Variants in SCAPER observed in about 807,000 individuals in gnomAD.
SCAPER encodes the protein S-phase cyclin A associated protein in the ER.
Under a neutral mutation model 182.2 loss-of-function variants are expected in SCAPER, and 98 were observed. The ratio of observed to expected loss-of-function variants is 0.54; its 90% CI spans 0.46 to 0.64. The LOEUF (loss-of-function observed/expected upper bound fraction) is 0.64, where lower values mean the gene tolerates loss of function less well. Among genes scored for constraint, SCAPER ranks in the 30% least tolerant of loss-of-function variants. SCAPER has a pLI of 0.00. For missense variants in SCAPER, 1,432 were observed against 1,690.0 expected (o/e 0.85, Z 2.68); for synonymous variants, 605 against 564.6 (o/e 1.07, Z -1.01).
At chr15:76,471,694 C>G (rs1329821296) in intron 24 of SCAPER, among the ~76,000 whole-genome samples, 1 of 152,166 alleles carries the variant, frequency 6.6e-6, no homozygotes, top group Non-Finnish European at 1.5e-5. Context: ...GAAAAGGGCT[C>G]TATCAAAGCT....
intron 23 of SCAPER, among the ~76,000 whole-genome samples, chr15:76,514,707 G>T (rs779469253): frequency 1.3e-5 from 2 of 152,170 alleles, no homozygotes; most frequent in Non-Finnish European, 2.9e-5. Flanking sequence ...GTAGGTTTTG[G>T]CAAGTCCATA....
intron 20 of SCAPER, among the ~76,000 whole-genome samples, chr15:76,682,093 C>CATATGACATATGACA (rs2057746686): frequency 6.6e-6 from 1 of 152,146 alleles, no homozygotes; most frequent in African/African-American, 2.4e-5. Flanking sequence ...TTCATATGTT[C>CATATGACATATGACA]TTTGTCAAGA....
chr15:76,399,702 G>A (rs980026416), intron 27 of SCAPER, among the ~76,000 whole-genome samples: 27 of 152,034 alleles, frequency 1.8e-4, no homozygotes, highest in African/African-American at 6.0e-4. Context: ...ATCGTGTTTC[G>A]GAAAACCTAG....
intron 21 of SCAPER, among the ~76,000 whole-genome samples, chr15:76,654,185 G>T (rs1597958147): frequency 6.6e-6 from 1 of 152,142 alleles, no homozygotes; most frequent in East Asian, 1.9e-4. Context: ...GGCTGATCAC[G>T]AGGTCAGGAG....
intron 17 of SCAPER, among the ~76,000 whole-genome samples, chr15:76,715,149 GA>G (rs1275958378): frequency 6.6e-6 from 1 of 151,860 alleles, no homozygotes; most frequent in Non-Finnish European, 1.5e-5. Context: ...CTGGCACACA[GA>G]AACAGTTGAT....
intron 4 of SCAPER, 72 bp from the exon 5 acceptor site, chr15:76,842,003 T>G: frequency 7.5e-7 from 1 of 1,327,420 alleles, no homozygotes; most frequent in Non-Finnish European, 1.0e-6. Flanking sequence ...TTTATAAAGA[T>G]TCAATCAACT....
At position 76,632,795 on chromosome 15, in the gene SCAPER, C is replaced by T. The variant is rs1423805938; in HGVS notation, c.2646-10966G>A. Among the ~76,000 whole-genome samples, 123 of 111,828 alleles carry T rather than the reference C, an allele frequency of 1.1e-3. 3 individuals are homozygous for T. The highest frequency in any genetic ancestry group is 7.2e-3 in the Middle Eastern group (1 of 138). 73.4% of individuals were successfully genotyped at this position (111,828 alleles called of 152,430 possible). A position where few individuals can be genotyped will look rare whatever the true frequency, so the allele number is the denominator to read the frequency against. On this transcript the variant is annotated intron_variant, in intron 21 of 31. Coordinates refer to ENST00000563290, the MANE Select transcript of SCAPER (RefSeq NM_020843.4). ...TTTTTTTTTTTTTTTTTTTTTGAGACGGAATCTTGCTCTGTCACCCAGGCT... is the reference window on the plus strand; with the variant it reads ...TTTTTTTTTTTTTTTTTTTTTGAGATGGAATCTTGCTCTGTCACCCAGGCT...
intron 26 of SCAPER, among the ~76,000 whole-genome samples, chr15:76,426,505 G>A (rs1477147821): frequency 6.6e-6 from 1 of 152,122 alleles, no homozygotes; most frequent in Non-Finnish European, 1.5e-5. Context: ...CTGTAGACTG[G>A]AGCTGTTCCT....
intron 25 of SCAPER, among the ~76,000 whole-genome samples, chr15:76,458,211 G>GAT (rs755873129): frequency 4.0e-5 from 6 of 151,072 alleles, no homozygotes; most frequent in African/African-American, 7.3e-5. Context: ...TCTCCTTATA[G>GAT]ATATATATAC....
At chr15:76,456,560 T>C (rs1226918222) in intron 25 of SCAPER, among the ~76,000 whole-genome samples, 1 of 152,206 alleles carries the variant, frequency 6.6e-6, no homozygotes, top group East Asian at 1.9e-4. Flanking sequence ...AATGTGTGTA[T>C]TCTACAGTTG....
chr15:76,830,597 C>G (rs374612811), intron 5 of SCAPER, among the ~76,000 whole-genome samples: 2 of 151,872 alleles, frequency 1.3e-5, no homozygotes, highest in African/African-American at 4.8e-5. Context: ...GAACAAAGGA[C>G]GTCTCCCAGG....
chr15:76,720,158 C>A (rs2060130777), intron 17 of SCAPER, among the ~76,000 whole-genome samples: 1 of 150,662 alleles, frequency 6.6e-6, no homozygotes, highest in Admixed American at 6.6e-5. Flanking sequence ...CAATTCCCAC[C>A]TATGAGTGAG....
intron 8 of SCAPER, among the ~76,000 whole-genome samples, chr15:76,792,987 TCA>T (rs2065097268): frequency 6.6e-6 from 1 of 152,238 alleles, no homozygotes; most frequent in Non-Finnish European, 1.5e-5. Context: ...CGTATGTTTG[TCA>T]GTTACCACCA....
rs996042844 is a variant in SCAPER, at chr15:76,719,718, TAATA to T, written c.2165+8873_2165+8876del. ...TTAAAAAACCTAAGGCAGATATCTT[TAATA>T]GTTAATTGTGGAACCCATTCCTTAT... On this transcript the variant is annotated intron_variant, in intron 17 of 31. Coordinates refer to ENST00000563290, the MANE Select transcript of SCAPER (RefSeq NM_020843.4). 5.3e-5 allele frequency among the ~76,000 whole-genome samples: 8 copies of T among 152,170 alleles called. 1 individual carries two copies. The highest frequency in any genetic ancestry group is 1.9e-4 in the African/African-American group (8 of 41,446).
At chr15:76,748,012 C>T (rs1162274018) in intron 15 of SCAPER, among the ~76,000 whole-genome samples, 15 of 138,902 alleles carry the variant, frequency 1.1e-4, no homozygotes, top group Non-Finnish European at 1.1e-4. Flanking sequence ...TTTTTTGAGA[C>T]GGAGTTTCGC....
chr15:76,725,032 G>C (rs746957508), intron 17 of SCAPER, among the ~76,000 whole-genome samples: 1 of 152,054 alleles, frequency 6.6e-6, no homozygotes, highest in Non-Finnish European at 1.5e-5. Context: ...CACACTGGGA[G>C]CTGTAGACTG....
chr15:76,876,010 C>A (rs1007392824), intron 2 of SCAPER, among the ~76,000 whole-genome samples: 2 of 152,192 alleles, frequency 1.3e-5, no homozygotes, highest in African/African-American at 4.8e-5. Context: ...AGAAATCGAG[C>A]GCAGCGCCAG....
chr15:76,781,939 A>G (rs1568119427), intron 8 of SCAPER, among the ~76,000 whole-genome samples: 1 of 152,238 alleles, frequency 6.6e-6, no homozygotes. Flanking sequence ...AAAACATACC[A>G]AATGGTAAAG....
intron 25 of SCAPER, among the ~76,000 whole-genome samples, chr15:76,458,441 TAC>T (rs1204851054): frequency 6.6e-6 from 1 of 152,054 alleles, no homozygotes; most frequent in African/African-American, 2.4e-5. Flanking sequence ...TACACATATA[TAC>T]ACACACCCTT....
Sources: gnomAD v4.1 joint callset for allele counts (sites outside exome capture counted in the v4.1 genomes callset) on GRCh38, gnomAD v4.1.1 for gene constraint, MANE v1.5 for transcripts, NCBI Gene and HGNC (gene_info 2026-07-23, HGNC 2026-07-21) for gene names.